DNAAF9: variants seen among roughly 807,000 people sequenced by gnomAD.
DNAAF9 encodes the protein dynein axonemal assembly factor 9, also known as shulin.
In DNAAF9, 90 loss-of-function variants were observed where a neutral mutation model predicts 167.0. The observed-to-expected ratio is 0.54, with a 90% CI of 0.45 to 0.64. The LOEUF (loss-of-function observed/expected upper bound fraction) is 0.64. Among genes scored for constraint, DNAAF9 ranks in the 30% least tolerant of loss-of-function variants. The pLI, the probability that DNAAF9 is intolerant of heterozygous loss-of-function variation, is 0.00. For synonymous variants in DNAAF9, 491 were observed against 508.8 expected, an observed-to-expected ratio of 0.96 and a Z score of 0.47; for missense variants, 1,315 against 1,442.2, an observed-to-expected ratio of 0.91 and a Z score of 1.43.
At chr20:3,297,118 A>ATTTTTT (rs1162324794) in intron 22 of DNAAF9, among the ~76,000 whole-genome samples, 169 bp from the exon 23 acceptor site, 1 of 152,154 alleles carries the variant, frequency 6.6e-6, no homozygotes, top group Admixed American at 6.5e-5. Flanking sequence ...TTTGTTCTGT[A>ATTTTTT]TTTTTAAAAA....
chr20:3,264,694 T>C (rs6139053), intron 30 of DNAAF9, among the ~76,000 whole-genome samples, 170 bp from the exon 31 acceptor site: 39,396 of 152,092 alleles, frequency 0.26, 5,353 homozygotes, highest in East Asian at 0.37. Context: ...CTCAGCCTCC[T>C]GAGTAGCGGG....
rs760199601 is a variant in DNAAF9 at position 3,330,682 on chromosome 20, C to T, written c.1064G>A (p.Gly355Asp). 5.0e-6 allele frequency: 8 copies of T among 1,590,424 alleles called. No individual in the cohort carries two copies. The Admixed American group carries it at 6.8e-5, about 14-fold the overall frequency. Residue 355 changes from glycine to aspartate, a missense_variant and splice_region_variant, in exon 12 of 37, where the codon GGT becomes GAT. By Grantham distance (94) the Gly-to-Asp change is moderately conservative (BLOSUM62 -1). This residue lies in a region of DNAAF9 where 981 missense variants were observed against 1,012.5 expected (regional missense o/e 0.97). Coordinates refer to ENST00000252032, the MANE Select transcript of DNAAF9 (RefSeq NM_001009984.3). ...TTTCTTGGGCAGCTTGCTGTCACCA[C>T]CTGTGAAAGAGGCCCACTAAGAATG... ...FFGATHVPYLGGDSKLPKKTE... is the reference protein window; with the variant it reads ...FFGATHVPYLDGDSKLPKKTE...
At chr20:3,282,767 C>A (rs2281502) in intron 27 of DNAAF9, among the ~76,000 whole-genome samples, 1 of 152,004 alleles carries the variant, frequency 6.6e-6, no homozygotes. Flanking sequence ...TCTTTGCCCC[C>A]CTGCCTGGAA....
intron 27 of DNAAF9, among the ~76,000 whole-genome samples, chr20:3,282,882 T>A (rs147762637): frequency 9.3e-4 from 141 of 152,308 alleles, no homozygotes; most frequent in African/African-American, 3.2e-3. Context: ...ACACCCTGTG[T>A]GATCAAGCAA....
chr20:3,312,006 TGAGACA>T, intron 20 of DNAAF9, among the ~76,000 whole-genome samples: 4 of 151,906 alleles, frequency 2.6e-5, no homozygotes, highest in African/African-American at 7.3e-5. Context: ...TTTTTTTTTT[TGAGACA>T]GAGATCATTC....
chr20:3,387,884 T>TAAA (rs557861791), intron 1 of DNAAF9, among the ~76,000 whole-genome samples: 67 of 87,358 alleles, frequency 7.7e-4, no homozygotes, highest in African/African-American at 1.0e-3. Context: ...CTACAAAAAG[T>TAAA]AAAAAAAAAA....
At chr20:3,376,608 C>G (rs2083578984) in intron 3 of DNAAF9, among the ~76,000 whole-genome samples, 1 of 152,208 alleles carries the variant, frequency 6.6e-6, no homozygotes, top group South Asian at 2.1e-4. Flanking sequence ...TTTAGGGAAA[C>G]AGAAGTTACC....
intron 30 of DNAAF9, among the ~76,000 whole-genome samples, chr20:3,269,974 C>T (rs1338940113): frequency 1.3e-5 from 2 of 150,800 alleles, no homozygotes; most frequent in Non-Finnish European, 3.0e-5. Flanking sequence ...AAAAAAAACA[C>T]TTCAAAAACT....
intron 6 of DNAAF9, among the ~76,000 whole-genome samples, chr20:3,365,968 CT>C (rs1200062588): frequency 6.6e-6 from 1 of 152,186 alleles, no homozygotes; most frequent in African/African-American, 2.4e-5. Flanking sequence ...TTCTAGTTGT[CT>C]TGCTATTTCT....
At chr20:3,349,925 T>C (rs891163566) in intron 7 of DNAAF9, among the ~76,000 whole-genome samples, 4 of 152,106 alleles carry the variant, frequency 2.6e-5, no homozygotes, top group Non-Finnish European at 5.9e-5. Flanking sequence ...GTCTAGTGCC[T>C]TGCTCATAGC....
At chr20:3,365,063 C>T (rs1302722307) in intron 6 of DNAAF9, among the ~76,000 whole-genome samples, 1 of 151,898 alleles carries the variant, frequency 6.6e-6, no homozygotes, top group East Asian at 1.9e-4. Context: ...AAGACTGCTT[C>T]CTTCTCAAGC....
At chr20:3,301,814 G>T (rs965394428) in intron 21 of DNAAF9, among the ~76,000 whole-genome samples, 9 of 151,964 alleles carry the variant, frequency 5.9e-5, no homozygotes, top group Non-Finnish European at 8.8e-5. Flanking sequence ...CTGGGACTCA[G>T]TGTTTTCATG....
At chr20:3,304,890 T>C (rs1208466690) in intron 20 of DNAAF9, among the ~76,000 whole-genome samples, 1 of 152,208 alleles carries the variant, frequency 6.6e-6, no homozygotes, top group Non-Finnish European at 1.5e-5. Context: ...AGTTTACAGA[T>C]TTTCCTTTCT....
Position 3,281,785 on chromosome 20 carries a change from G to A in DNAAF9, c.2487-19C>T, listed in dbSNP as rs572127562. ...TGTGTAGCTGGGGAAGGTAAAAAAG[G>A]AATGATTAGTTCACTGACTGGCATT... On this transcript the variant is annotated intron_variant, in intron 27 of 36. Coordinates refer to ENST00000252032, the MANE Select transcript of DNAAF9 (RefSeq NM_001009984.3). 2.5e-6 allele frequency: 4 copies of A among 1,602,848 alleles called. No homozygotes were observed. Among genetic ancestry groups the A allele is most frequent in the Non-Finnish European group, 3.4e-6 (4 of 1,175,264 alleles).
intron 18 of DNAAF9, chr20:3,316,096 C>G: frequency 2.3e-6 from 1 of 433,004 alleles, no homozygotes; most frequent in African/African-American, 2.0e-5. Flanking sequence ...AGGGATGAAG[C>G]AAAGATAATG....
intron 25 of DNAAF9, among the ~76,000 whole-genome samples, chr20:3,293,651 C>A (rs1165861675): frequency 1.5e-5 from 2 of 134,836 alleles, no homozygotes; most frequent in East Asian, 4.6e-4. Flanking sequence ...CGCCAGTGCA[C>A]TCCAGCCTGG....
intron 7 of DNAAF9, among the ~76,000 whole-genome samples, chr20:3,353,230 C>T (rs7271575): frequency 0.21 from 31,189 of 151,808 alleles, 3,515 homozygotes; most frequent in African/African-American, 0.28. Flanking sequence ...TAATGCACAT[C>T]ACTGGCCTCA....
intron 13 of DNAAF9, among the ~76,000 whole-genome samples, chr20:3,325,696 G>C (rs900326129): frequency 7.2e-5 from 11 of 152,296 alleles, no homozygotes; most frequent in Middle Eastern, 3.4e-3. Flanking sequence ...CAACTCAGCA[G>C]GGCAGGTTAA....
intron 10 of DNAAF9, among the ~76,000 whole-genome samples, chr20:3,335,935 C>A (rs2123095292): frequency 6.6e-6 from 1 of 151,780 alleles, no homozygotes; most frequent in East Asian, 1.9e-4. Context: ...CCAGCCTGGC[C>A]AACATGGCAA....
Sources: allele counts gnomAD v4.1 joint callset (sites outside exome capture counted in the v4.1 genomes callset), GRCh38; gene constraint gnomAD v4.1.1; regional missense constraint gnomAD v4.1.1; transcripts MANE v1.5; gene names NCBI Gene and HGNC (gene_info 2026-07-23, HGNC 2026-07-21).